RSRC1: variants seen among roughly 807,000 people sequenced by gnomAD.
The protein encoded by RSRC1 is serine/Arginine-related protein 53.
In RSRC1, 39 loss-of-function variants were observed where a neutral mutation model predicts 49.1. The observed-to-expected ratio is 0.79, with a 90% CI of 0.61 to 1.04. The LOEUF (loss-of-function observed/expected upper bound fraction) is 1.04. Among genes scored for constraint, RSRC1 ranks in the 50% least tolerant of loss-of-function variants. The pLI, the probability that RSRC1 is intolerant of heterozygous loss-of-function variation, is 0.00. For missense variants in RSRC1, 388 were observed against 402.4 expected (o/e 0.96, Z 0.31); for synonymous variants, 143 against 130.8 (o/e 1.09, Z -0.63).
intron 6 of RSRC1, among the ~76,000 whole-genome samples, chr3:158,359,344 A>G (rs528031641): frequency 1.1e-4 from 16 of 152,360 alleles, no homozygotes; most frequent in African/African-American, 3.8e-4. Flanking sequence ...AAATAATAAC[A>G]CATGAAATAC....
chr3:158,285,905 C>T (rs1225988539), intron 4 of RSRC1, among the ~76,000 whole-genome samples: 5 of 152,236 alleles, frequency 3.3e-5, no homozygotes, highest in African/African-American at 1.2e-4. Context: ...GCCTAATTGC[C>T]CTGGCCAGAA....
At chr3:158,515,518 G>A (rs1483118838) in intron 7 of RSRC1, among the ~76,000 whole-genome samples, 1 of 136,500 alleles carries the variant, frequency 7.3e-6, no homozygotes, top group African/African-American at 2.9e-5. Context: ...CTTTCTCTCT[G>A]GCTGCCCTTA....
chr3:158,226,981 T>A (rs1319414869), intron 4 of RSRC1, among the ~76,000 whole-genome samples: 6 of 151,706 alleles, frequency 4.0e-5, no homozygotes, highest in African/African-American at 7.3e-5. Flanking sequence ...GGAGAAAAAA[T>A]TAAGTTAAAT....
At chr3:158,253,273 A>C (rs1197790147) in intron 4 of RSRC1, among the ~76,000 whole-genome samples, 1 of 151,496 alleles carries the variant, frequency 6.6e-6, no homozygotes, top group Non-Finnish European at 1.5e-5. Flanking sequence ...TTGTGTTTCC[A>C]TTTTTATTTG....
intron 7 of RSRC1, among the ~76,000 whole-genome samples, chr3:158,495,145 T>C (rs564820363): frequency 1.3e-5 from 2 of 152,334 alleles, no homozygotes; most frequent in Non-Finnish European, 2.9e-5. Flanking sequence ...CCCAGTATTA[T>C]AATCTTGTGG....
intron 5 of RSRC1, among the ~76,000 whole-genome samples, chr3:158,326,307 C>T (rs9879272): frequency 6.6e-6 from 1 of 151,880 alleles, no homozygotes; most frequent in East Asian, 1.9e-4. Context: ...TGTCTTGTGC[C>T]GGTTTTCAAA....
At position 158,191,950 on chromosome 3, in the gene RSRC1, T is replaced by G. The variant is rs185676248; in HGVS notation, c.321-11122T>G. 1.7e-4 allele frequency among the ~76,000 whole-genome samples: 26 copies of G among 152,224 alleles called. No individual in the cohort carries two copies. The East Asian group carries it at 3.9e-3, about 23-fold the overall frequency. On this transcript the variant is annotated intron_variant, in intron 3 of 9. Transcript: ENST00000611884. ...CAAAATTGTGTAAAATCAATTCTTA[T>G]GACAACTAAGAAGTTAGCAGCTTAG...
chr3:158,285,379 T>A (rs1726461984), intron 4 of RSRC1, among the ~76,000 whole-genome samples: 1 of 152,218 alleles, frequency 6.6e-6, no homozygotes, highest in Non-Finnish European at 1.5e-5. Context: ...CAATGCGGGC[T>A]CTTTTTTGGT....
At chr3:158,302,941 A>C (rs1408646967) in intron 5 of RSRC1, 1 of 152,026 alleles carries the variant, frequency 6.6e-6, no homozygotes, top group Non-Finnish European at 1.5e-5. Context: ...CTGGGATTAC[A>C]GGCATGAGCA....
chr3:158,329,789 A>G (rs1729429322), intron 5 of RSRC1, among the ~76,000 whole-genome samples: 1 of 152,180 alleles, frequency 6.6e-6, no homozygotes, highest in East Asian at 1.9e-4. Flanking sequence ...AACTCTGCAG[A>G]GATTTCTGCT....
chr3:158,183,798 C>G (rs1486863117), intron 3 of RSRC1, among the ~76,000 whole-genome samples: 2 of 151,910 alleles, frequency 1.3e-5, no homozygotes, highest in African/African-American at 4.8e-5. Context: ...CACCTGTAGT[C>G]CTAGCTACTC....
chr3:158,305,586 CTAACTTAAG>C (rs1264678846), intron 5 of RSRC1, among the ~76,000 whole-genome samples: 3 of 152,018 alleles, frequency 2.0e-5, no homozygotes, highest in Non-Finnish European at 2.9e-5. Flanking sequence ...TTCTTGGGAT[CTAACTTAAG>C]TAACTGTAGA....
chr3:158,294,539 T>A (rs974869205), intron 4 of RSRC1, among the ~76,000 whole-genome samples: 1 of 152,148 alleles, frequency 6.6e-6, no homozygotes, highest in African/African-American at 2.4e-5. Flanking sequence ...TTTTTTTTCC[T>A]AACAGCATTT....
intron 7 of RSRC1, among the ~76,000 whole-genome samples, chr3:158,504,085 C>T (rs1739737255): frequency 6.6e-6 from 1 of 152,212 alleles, no homozygotes; most frequent in South Asian, 2.1e-4. Flanking sequence ...TCACTCAGCT[C>T]TCTAAATTGA....
intron 7 of RSRC1, among the ~76,000 whole-genome samples, chr3:158,467,869 G>T (rs1737956371): frequency 2.0e-5 from 3 of 152,314 alleles, no homozygotes; most frequent in South Asian, 4.1e-4. Flanking sequence ...CTGTGTTCTT[G>T]TAGTAACAAT....
At chr3:158,445,311 A>T (rs1324606226) in intron 6 of RSRC1, among the ~76,000 whole-genome samples, 1 of 152,184 alleles carries the variant, frequency 6.6e-6, no homozygotes, top group Non-Finnish European at 1.5e-5. Flanking sequence ...ACCCCATGAA[A>T]TACTATGCAG....
chr3:158,444,269 T>C (rs1367481883), intron 6 of RSRC1, among the ~76,000 whole-genome samples: 1 of 152,004 alleles, frequency 6.6e-6, no homozygotes, highest in Non-Finnish European at 1.5e-5. Context: ...ACTACAACGC[T>C]ACAGTAACCA....
At chr3:158,208,983 T>G (rs1270536353) in intron 4 of RSRC1, among the ~76,000 whole-genome samples, 1 of 152,188 alleles carries the variant, frequency 6.6e-6, no homozygotes, top group Non-Finnish European at 1.5e-5. Context: ...AATATGTCTT[T>G]GAAAAATTAG....
At chr3:158,477,751 C>T (rs946505280) in intron 7 of RSRC1, among the ~76,000 whole-genome samples, 1 of 142,880 alleles carries the variant, frequency 7.0e-6, no homozygotes, top group Non-Finnish European at 1.5e-5. Flanking sequence ...TGACAGGTCA[C>T]AAGGAGAACC....
Sources: allele counts gnomAD v4.1 joint callset (sites outside exome capture counted in the v4.1 genomes callset), GRCh38; gene constraint gnomAD v4.1.1; transcripts MANE v1.5; gene names NCBI Gene and HGNC (gene_info 2026-07-23, HGNC 2026-07-21).